The following PKD1L3 variants were observed in gnomAD, a reference collection of about 807,000 sequenced individuals.
The protein encoded by PKD1L3 is polycystin-1-like protein 3.
Under a neutral mutation model 184.1 loss-of-function variants are expected in PKD1L3, and 239 were observed. That is an observed-to-expected ratio of 1.30 (90% confidence interval 1.17 to 1.45). PKD1L3 has a LOEUF of 1.45. Among genes scored for constraint, PKD1L3 ranks in the 40% most tolerant of loss-of-function variants. PKD1L3 has a pLI of 0.00. For synonymous variants in PKD1L3, 996 were observed against 778.8 expected (o/e 1.28, Z -4.64); for missense variants, 2,660 against 2,067.2 (o/e 1.29, Z -5.56).
intron 5 of PKD1L3, among the ~76,000 whole-genome samples, chr16:71,984,671 C>G (rs920370445): frequency 2.6e-5 from 4 of 152,162 alleles, no homozygotes; most frequent in Admixed American, 2.6e-4. Context: ...GCAACCTGGC[C>G]TACATAGCAA....
chr16:71,995,170 C>T (rs12920245), intron 2 of PKD1L3, among the ~76,000 whole-genome samples: 1 of 152,054 alleles, frequency 6.6e-6, no homozygotes, highest in Non-Finnish European at 1.5e-5. Context: ...AGGCTGCAAC[C>T]TCGTAAGGTG....
Position 71,986,249 on chromosome 16 carries a change from T to C in PKD1L3, c.806A>G (p.Gln269Arg), listed in dbSNP as rs1295384927. ...GHPNTFTSYL[Q>R]VSLQKASGQV... ...ACCAGATGCCTTCTGCAATGACACT[T>C]GTAGATAAGAGGTGAAGGTATTCGG... Residue 269 changes from glutamine (Q) to arginine (R), a missense_variant, in exon 5 of 30, where the codon CAA becomes CGA. Physicochemically the swap from Gln to Arg is conservative, Grantham distance 43. Transcript: ENST00000620267. 6.4e-7 allele frequency: 1 copy of C among 1,552,322 alleles called. No individual in the cohort carries two copies. Among genetic ancestry groups the C allele is most frequent in the Non-Finnish European group, 8.7e-7 (1 of 1,147,118 alleles).
intron 13 of PKD1L3, among the ~76,000 whole-genome samples, chr16:71,969,340 C>G (rs1212404032): frequency 7.2e-6 from 1 of 138,980 alleles, no homozygotes; most frequent in Non-Finnish European, 1.5e-5. Context: ...GAGACTGGGT[C>G]TCTGTTGCCC....
At chr16:71,936,837 C>A (rs1380301430) in intron 25 of PKD1L3, among the ~76,000 whole-genome samples, 3 of 152,058 alleles carry the variant, frequency 2.0e-5, no homozygotes, top group Non-Finnish European at 4.4e-5. Flanking sequence ...TCATATAGGG[C>A]TAATAAAACT....
intron 16 of PKD1L3, among the ~76,000 whole-genome samples, chr16:71,959,372 T>A (rs2039181389): frequency 6.6e-6 from 1 of 152,120 alleles, no homozygotes; most frequent in Admixed American, 6.6e-5. Flanking sequence ...ATCGTGCCAT[T>A]GTACTCCAGC....
chr16:71,963,142 G>T (rs190760104), intron 16 of PKD1L3, 63 bp downstream of exon 16: 9 of 1,408,440 alleles, frequency 6.4e-6, no homozygotes, highest in Non-Finnish European at 9.5e-7. Context: ...CAATTCAATC[G>T]TGAACAATTC....
At chr16:71,946,288 G>C (rs1003583355) in intron 22 of PKD1L3, among the ~76,000 whole-genome samples, 4 of 151,894 alleles carry the variant, frequency 2.6e-5, no homozygotes, top group East Asian at 1.9e-4. Context: ...CCAACATAAA[G>C]TGTGCTGTGT....
At chr16:71,973,256 A>G in intron 12 of PKD1L3, 68 bp downstream of exon 12, 1 of 1,470,724 alleles carries the variant, frequency 6.8e-7, no homozygotes. Context: ...CAAATGAGAT[A>G]ACGGATGCAT....
chr16:71,932,896 C>T (rs932899890), intron 28 of PKD1L3, among the ~76,000 whole-genome samples: 5 of 150,558 alleles, frequency 3.3e-5, no homozygotes, highest in South Asian at 2.1e-4. Context: ...TCTCTCTCCT[C>T]AGCCTCCAGC....
chr16:71,965,463 C>G (rs2039466098), intron 15 of PKD1L3, among the ~76,000 whole-genome samples: 1 of 152,002 alleles, frequency 6.6e-6, no homozygotes, highest in South Asian at 2.1e-4. Context: ...GCAAGCTGTT[C>G]TCTGAAGTGG....
At position 71,935,454 on chromosome 16, in the gene PKD1L3, C is replaced by G. The variant is rs1245997435; in HGVS notation, c.4517G>C (p.Ser1506Thr). The change falls in exon 26 of 30, where the codon AGT becomes ACT. Residue 1506 changes from serine to threonine, a missense_variant. By Grantham distance (58) the Ser-to-Thr change is moderately conservative. Transcript: ENST00000620267. The part of the protein sequence containing the change: ...FTGKRNILDT[S>T]IILISFILLG... ...GAGGATGAAGCTAATGAGGATTATACTTGTGTCCAGAATGTTTCTTTTCCC... is the reference window on the plus strand; with the variant it reads ...GAGGATGAAGCTAATGAGGATTATAGTTGTGTCCAGAATGTTTCTTTTCCC... 3 of 1,552,044 alleles carry G rather than the reference C, an allele frequency of 1.9e-6. No homozygotes were observed. In the African/African-American group the frequency reaches 4.1e-5, roughly 21 times the overall value.
chr16:71,979,755 T>G (rs1263168933), intron 9 of PKD1L3, 31 bp downstream of exon 9: 2 of 1,471,236 alleles, frequency 1.4e-6, no homozygotes, highest in Non-Finnish European at 1.8e-6. Context: ...GATCCCATTT[T>G]CATTCTGATC....
intron 7 of PKD1L3, among the ~76,000 whole-genome samples, chr16:71,981,763 A>C (rs1301259041): frequency 6.6e-6 from 1 of 151,464 alleles, no homozygotes; most frequent in African/African-American, 2.4e-5. Context: ...CTGGTCTCGA[A>C]CTCCTGACCT....
intron 24 of PKD1L3, among the ~76,000 whole-genome samples, chr16:71,937,940 G>A (rs2038234975): frequency 6.6e-6 from 1 of 152,216 alleles, no homozygotes; most frequent in Non-Finnish European, 1.5e-5. Flanking sequence ...CACCCTGTCT[G>A]GAGTGGCTGC....
At chr16:71,975,206 C>G in intron 11 of PKD1L3, among the ~76,000 whole-genome samples, 1 of 145,792 alleles carries the variant, frequency 6.9e-6, no homozygotes, top group Non-Finnish European at 1.5e-5. Context: ...CAGGTGCACG[C>G]CACCACGCTC....
At chr16:71,986,957 CTCTG>C (rs2040395470) in intron 4 of PKD1L3, among the ~76,000 whole-genome samples, 1 of 121,274 alleles carries the variant, frequency 8.2e-6, no homozygotes, top group Non-Finnish European at 1.6e-5. Flanking sequence ...CAGAGTCTCA[CTCTG>C]TCTCCCAGGC....
chr16:71,986,910 G>T (rs142894190), intron 4 of PKD1L3, among the ~76,000 whole-genome samples: 1,484 of 132,016 alleles, frequency 0.011, 30 homozygotes, highest in African/African-American at 0.043. Context: ...GTGGTAAGGA[G>T]AGGATTTTTT....
At chr16:71,958,623 A>G (rs904674941) in intron 16 of PKD1L3, among the ~76,000 whole-genome samples, 7 of 147,330 alleles carry the variant, frequency 4.8e-5, no homozygotes, top group Non-Finnish European at 7.5e-5. Flanking sequence ...TCTACTAAAA[A>G]TAGAAAAATT....
At chr16:71,948,137 A>C (rs757501083) in intron 21 of PKD1L3, among the ~76,000 whole-genome samples, 4 of 152,074 alleles carry the variant, frequency 2.6e-5, no homozygotes, top group African/African-American at 9.7e-5. Flanking sequence ...GCTGGAGTAC[A>C]ACGGCACGAT....
Sources: allele counts gnomAD v4.1 joint callset (sites outside exome capture counted in the v4.1 genomes callset), GRCh38; gene constraint gnomAD v4.1.1; transcripts MANE v1.5; gene names NCBI Gene and HGNC (gene_info 2026-07-23, HGNC 2026-07-21).